CTNNA2: variants seen among roughly 807,000 people sequenced by gnomAD.
CTNNA2 encodes catenin alpha-2.
Under a neutral mutation model 101.0 loss-of-function variants are expected in CTNNA2, and 42 were observed. The ratio of observed to expected loss-of-function variants is 0.42; its 90% CI spans 0.32 to 0.54. The LOEUF (loss-of-function observed/expected upper bound fraction) is 0.54, where lower values mean the gene tolerates loss of function less well. Ranked by LOEUF, CTNNA2 falls within the 20% of genes least tolerant of loss-of-function variation. CTNNA2 has a pLI of 0.14. For missense variants in CTNNA2, 871 were observed against 1,223.1 expected (o/e 0.71, Z 4.29); for synonymous variants, 450 against 456.4 (o/e 0.99, Z 0.18).
intron 1 of CTNNA2, among the ~76,000 whole-genome samples, chr2:79,617,005 G>A (rs563263929): frequency 3.3e-4 from 50 of 151,506 alleles, no homozygotes; most frequent in Non-Finnish European, 6.8e-4. Context: ...GGGTTCAAGC[G>A]ATTCTCCTGC....
At chr2:79,604,857 A>C (rs1322620974) in intron 1 of CTNNA2, among the ~76,000 whole-genome samples, 1 of 152,218 alleles carries the variant, frequency 6.6e-6, no homozygotes, top group African/African-American at 2.4e-5. Flanking sequence ...AGCAAGACTC[A>C]AAAGGATGAA....
At chr2:80,413,423 C>A (rs1679767059) in intron 8 of CTNNA2, among the ~76,000 whole-genome samples, 1 of 152,146 alleles carries the variant, frequency 6.6e-6, no homozygotes, top group East Asian at 1.9e-4. Context: ...CTAAATAAAG[C>A]AAGAACCATG....
rs1351482158 is a variant in CTNNA2 at position 80,648,032 on chromosome 2, C to T, written c.*160C>T. The stretch of plus-strand genomic sequence containing the variant: ...CATGTAAGATGAGATGAGATCAATA[C>T]TACTGATCCATCTGTAGCCTGGGAA... On this transcript the variant is annotated 3_prime_UTR_variant, in exon 19 of 19. Transcript: ENST00000402739. 4 of 628,510 alleles carry T rather than the reference C, an allele frequency of 6.4e-6. No individual in the cohort carries two copies. Among genetic ancestry groups the T allele is most frequent in the Non-Finnish European group, 1.1e-5 (4 of 377,292 alleles). The allele number at this position is 628,510 out of a possible 1,614,324, so 38.9% of individuals were successfully genotyped here.
chr2:79,278,374 G>A (rs1413328487), intron 2 of CTNNA2, among the ~76,000 whole-genome samples: 1 of 152,066 alleles, frequency 6.6e-6, no homozygotes, highest in East Asian at 1.9e-4. Flanking sequence ...CACTATTTTA[G>A]AATTGGAGAC....
intron 3 of CTNNA2, among the ~76,000 whole-genome samples, chr2:79,845,923 T>A (rs1680198734): frequency 6.6e-6 from 1 of 152,188 alleles, no homozygotes; most frequent in Non-Finnish European, 1.5e-5. Context: ...CCTCCCACAG[T>A]TTAGTAAAGA....
intron 7 of CTNNA2, among the ~76,000 whole-genome samples, chr2:80,281,878 T>A (rs1437924078): frequency 6.6e-6 from 1 of 152,102 alleles, no homozygotes. Flanking sequence ...TCTCTTATCT[T>A]TTCAACATTT....
chr2:80,014,106 A>G (rs1574542055), intron 7 of CTNNA2, among the ~76,000 whole-genome samples: 1 of 152,228 alleles, frequency 6.6e-6, no homozygotes. Context: ...CAAAATTGCT[A>G]AGTAGCATTA....
At chr2:79,453,632 G>T (rs1217271182) in intron 4 of CTNNA2, among the ~76,000 whole-genome samples, 1 of 152,122 alleles carries the variant, frequency 6.6e-6, no homozygotes, top group Non-Finnish European at 1.5e-5. Flanking sequence ...GATGTGGCCA[G>T]CCAGTACTTT....
At chr2:80,629,183 G>C (rs545525552) in intron 18 of CTNNA2, among the ~76,000 whole-genome samples, 1 of 151,902 alleles carries the variant, frequency 6.6e-6, no homozygotes, top group South Asian at 2.1e-4. Flanking sequence ...GGTGCCCTCC[G>C]GTTCTTATAT....
intron 7 of CTNNA2, among the ~76,000 whole-genome samples, chr2:80,117,378 G>A (rs1701582894): frequency 6.6e-6 from 1 of 151,700 alleles, no homozygotes. Flanking sequence ...CCTACCTAGA[G>A]TTTCCCTGGC....
intron 7 of CTNNA2, among the ~76,000 whole-genome samples, chr2:80,346,892 A>G (rs1486844166): frequency 6.6e-6 from 1 of 152,230 alleles, no homozygotes; most frequent in Non-Finnish European, 1.5e-5. Context: ...TTTGTTGCTG[A>G]GAAGTTCTAA....
intron 7 of CTNNA2, among the ~76,000 whole-genome samples, chr2:80,249,006 T>A (rs915112671): frequency 1.3e-5 from 2 of 152,140 alleles, no homozygotes; most frequent in Admixed American, 6.5e-5. Flanking sequence ...CAGAGCCTGA[T>A]TTACTTTTCT....
rs185674123 is a variant in CTNNA2, at chr2:80,118,686, A to G, written c.1056+208889A>G. Among the ~76,000 whole-genome samples, 13 of 152,368 alleles carry G rather than the reference A, an allele frequency of 8.5e-5. No homozygotes were observed. The East Asian group carries it at 1.2e-3, about 14-fold the overall frequency. ...CTCTTTAACAAAGGAAGTAGAAAAC[A>G]TAAGGAAATTTGCTATTTTTCCTTT... On this transcript the variant is annotated intron_variant, in intron 7 of 18. Transcript: ENST00000402739.
chr2:79,680,502 TG>T lies in CTNNA2; in HGVS notation c.102+28845del, dbSNP rs1462829809. Among the ~76,000 whole-genome samples, 7 of 152,152 alleles carry T rather than the reference TG, an allele frequency of 4.6e-5. No individual in the cohort carries two copies. The South Asian group carries it at 1.4e-3, about 31-fold the overall frequency. On this transcript the variant is annotated intron_variant, in intron 2 of 18. Transcript: ENST00000402739. ...TAGACAAGAAAACATTGAGTGTATA[TG>T]TAAAATGAAGGCTTTTCCTTGAATG... is the stretch of plus-strand genomic sequence containing the variant.
intron 7 of CTNNA2, among the ~76,000 whole-genome samples, chr2:80,373,126 G>C (rs1011774253): frequency 6.6e-6 from 1 of 151,322 alleles, no homozygotes; most frequent in Non-Finnish European, 1.5e-5. Flanking sequence ...TTAGTGGAGT[G>C]GAAGAATCAG....
intron 7 of CTNNA2, among the ~76,000 whole-genome samples, chr2:80,190,036 CCTTTAAGGTCTGG>C: frequency 6.6e-6 from 1 of 151,862 alleles, no homozygotes; most frequent in East Asian, 1.9e-4. Flanking sequence ...ATTACTGATG[CCTTTAAGGTCTGG>C]TTTTAGAGAT....
At position 80,302,722 on chromosome 2, in the gene CTNNA2, C is replaced by T. The variant is rs756037479; in HGVS notation, c.1057-90489C>T. The T allele has an allele frequency of 6.2e-7, 1 of 1,612,960 alleles. No homozygotes were observed. The highest frequency in any genetic ancestry group is 8.5e-7 in the Non-Finnish European group (1 of 1,179,844). On this transcript the variant is annotated intron_variant, in intron 7 of 18. Coordinates refer to ENST00000402739, the MANE Select transcript of CTNNA2 (RefSeq NM_001282597.3). The surrounding 1 kb of genome is among the most constrained non-coding windows in gnomAD (Gnocchi z 6.4). ...GCAGGTGGCCGCTGGTGGGCTCGGC[C>T]CCATCCTCGCACAGGTGGAAGGCGT...
intron 4 of CTNNA2, among the ~76,000 whole-genome samples, chr2:79,495,735 G>A (rs1671249752): frequency 6.6e-6 from 1 of 152,126 alleles, no homozygotes. Context: ...GATTAAAAAT[G>A]TGGTATATCC....
chr2:79,653,877 G>C (rs189487407), intron 2 of CTNNA2, among the ~76,000 whole-genome samples: 20 of 152,162 alleles, frequency 1.3e-4, no homozygotes, highest in African/African-American at 4.3e-4. Flanking sequence ...GTAATTGTAG[G>C]AATCCGTCCA....
Sources: gnomAD v4.1 joint callset for allele counts (sites outside exome capture counted in the v4.1 genomes callset) on GRCh38, gnomAD v4.1.1 for gene constraint, Gnocchi (gnomAD v3.1) non-coding constraint, MANE v1.5 for transcripts, NCBI Gene and HGNC (gene_info 2026-07-23, HGNC 2026-07-21) for gene names.